The following DLGAP1 variants were observed in gnomAD, a reference collection of about 807,000 sequenced individuals.
The protein encoded by DLGAP1 is disks large-associated protein 1.
DLGAP1 carries 11 observed loss-of-function variants against 90.8 expected under a neutral mutation model. The ratio of observed to expected loss-of-function variants is 0.12; its 90% CI spans 0.08 to 0.20. The LOEUF is 0.20. DLGAP1 is among the 10% of genes least tolerant of loss of function. The pLI is 1.00. For synonymous variants in DLGAP1, 558 were observed against 540.7 expected (o/e 1.03, Z -0.44); for missense variants, 1,050 against 1,333.8 (o/e 0.79, Z 3.31).
At chr18:4,166,955 G>A (rs983130950) in intron 1 of DLGAP1, among the ~76,000 whole-genome samples, 1 of 152,138 alleles carries the variant, frequency 6.6e-6, no homozygotes, top group African/African-American at 2.4e-5. Context: ...GATAGATAAT[G>A]TTTGCATAAT....
chr18:4,231,504 G>A (rs1206674117), intron 1 of DLGAP1, among the ~76,000 whole-genome samples: 1 of 152,144 alleles, frequency 6.6e-6, no homozygotes, highest in Non-Finnish European at 1.5e-5. Flanking sequence ...CACTGCTTTG[G>A]CAAAATTACT....
chr18:3,954,296 C>T (rs1334062686), intron 3 of DLGAP1, among the ~76,000 whole-genome samples: 4 of 152,100 alleles, frequency 2.6e-5, no homozygotes, highest in Non-Finnish European at 4.4e-5. Context: ...TGGGATTCCA[C>T]TTGAGGGACA....
At position 4,137,015 on chromosome 18, in the gene DLGAP1, A is replaced by G. The variant is rs544444229; in HGVS notation, c.-159+14165T>C. ...GCTGCACCCATTAACTCGTCATTTA[A>G]CATTAGGTATATCTCCTAATGCTAT... On this transcript the variant is annotated intron_variant, in intron 2 of 12. Coordinates refer to ENST00000315677, the MANE Select transcript of DLGAP1 (RefSeq NM_004746.4). 5.3e-4 allele frequency among the ~76,000 whole-genome samples: 80 copies of G among 152,030 alleles called. 1 individual carries two copies. The Middle Eastern group carries it at 0.01, about 19-fold the overall frequency.
chr18:3,530,063 G>C (rs1250120030), intron 10 of DLGAP1, among the ~76,000 whole-genome samples: 1 of 152,046 alleles, frequency 6.6e-6, no homozygotes, highest in Non-Finnish European at 1.5e-5. Context: ...CAGACTGAAA[G>C]GCCCATTAAA....
intron 3 of DLGAP1, among the ~76,000 whole-genome samples, chr18:3,889,272 T>C (rs548088070): frequency 2.0e-4 from 31 of 152,216 alleles, no homozygotes; most frequent in Non-Finnish European, 4.1e-4. Context: ...ACAATACAAC[T>C]TGAAAAGGAG....
chr18:3,640,075 A>G (rs1295419894), intron 7 of DLGAP1, among the ~76,000 whole-genome samples: 3 of 152,066 alleles, frequency 2.0e-5, no homozygotes, highest in Admixed American at 1.3e-4. Flanking sequence ...TTTTAAATTA[A>G]TTAGCCTAGT....
chr18:3,772,392 CTTTCTTTCTTTCTTTCT>C (rs2064705735), intron 5 of DLGAP1, among the ~76,000 whole-genome samples: 1 of 42,806 alleles, frequency 2.3e-5, no homozygotes, highest in African/African-American at 7.4e-5. Flanking sequence ...TTCTTTCTTT[CTTTCTTTCTTTCTTTCT>C]CTTTCTTTCT....
chr18:4,338,394 T>C (rs1213764666), intron 1 of DLGAP1, among the ~76,000 whole-genome samples: 1 of 152,180 alleles, frequency 6.6e-6, no homozygotes, highest in African/African-American at 2.4e-5. Context: ...AGTAAATAAA[T>C]CAATCATACC....
intron 2 of DLGAP1, among the ~76,000 whole-genome samples, chr18:4,125,458 G>T (rs1314009699): frequency 6.6e-6 from 1 of 152,130 alleles, no homozygotes; most frequent in African/African-American, 2.4e-5. Flanking sequence ...GCCTCACATT[G>T]TGTTGCTGTG....
At chr18:4,284,703 G>C (rs547496469) in intron 1 of DLGAP1, among the ~76,000 whole-genome samples, 1 of 152,310 alleles carries the variant, frequency 6.6e-6, no homozygotes, top group South Asian at 2.1e-4. Context: ...CAGACCCATG[G>C]CCTTCTGGAG....
intron 1 of DLGAP1, among the ~76,000 whole-genome samples, chr18:4,360,777 G>A (rs1476309436): frequency 8.5e-5 from 13 of 152,170 alleles, no homozygotes; most frequent in African/African-American, 3.1e-4. Context: ...TCAGGAGTTC[G>A]AGACCAGCCT....
In DLGAP1 at chr18:4,306,426, AGTGTGTGT is replaced by A. The variant is rs60225266; in HGVS notation, c.-267+148572_-267+148579del. ...TGAGAATAAAAAAAGAGAAAGTAAGAGTGTGTGTGTGTGTGTGTGTGTGTGTGTGTGTG... is the reference window on the plus strand; with the variant it reads ...TGAGAATAAAAAAAGAGAAAGTAAGAGTGTGTGTGTGTGTGTGTGTGTGTG... On this transcript the variant is annotated intron_variant, in intron 1 of 12. Coordinates refer to ENST00000315677, the MANE Select transcript of DLGAP1 (RefSeq NM_004746.4). Among the ~76,000 whole-genome samples the A allele has an allele frequency of 1.5e-3, 200 of 130,418 alleles. 3 individuals are homozygous for A. Among genetic ancestry groups the A allele is most frequent in the South Asian group, 2.7e-3 (11 of 4,046 alleles). The allele number at this position is 130,418 out of a possible 152,430, so 85.6% of individuals were successfully genotyped here.
intron 3 of DLGAP1, among the ~76,000 whole-genome samples, chr18:3,980,408 A>C (rs2073701733): frequency 6.6e-6 from 1 of 152,178 alleles, no homozygotes; most frequent in Admixed American, 6.5e-5. Context: ...GCTGCACTTG[A>C]TGAGCAGGAG....
At chr18:4,349,552 G>T (rs1555604147) in intron 1 of DLGAP1, among the ~76,000 whole-genome samples, 1 of 151,298 alleles carries the variant, frequency 6.6e-6, no homozygotes, top group South Asian at 2.1e-4. Flanking sequence ...GAATAAAAGT[G>T]AAAAAAAACT....
intron 6 of DLGAP1, among the ~76,000 whole-genome samples, chr18:3,741,751 T>C (rs2063057083): frequency 6.6e-6 from 1 of 152,236 alleles, no homozygotes; most frequent in Non-Finnish European, 1.5e-5. Flanking sequence ...TTCTCTCCAA[T>C]CTTTCCTATG....
chr18:3,580,813 T>G (rs1442571077), intron 8 of DLGAP1: 1 of 1,539,884 alleles, frequency 6.5e-7, no homozygotes, highest in Non-Finnish European at 8.9e-7. Flanking sequence ...GTCTTCCACC[T>G]GCCGTGCGGA....
At chr18:4,258,195 C>A (rs1050459177) in intron 1 of DLGAP1, among the ~76,000 whole-genome samples, 1 of 152,094 alleles carries the variant, frequency 6.6e-6, no homozygotes. Context: ...CGCCACTACG[C>A]CTGGCTAATT....
At chr18:4,130,133 A>T (rs1378100954) in intron 2 of DLGAP1, among the ~76,000 whole-genome samples, 3 of 152,170 alleles carry the variant, frequency 2.0e-5, no homozygotes, top group Admixed American at 2.0e-4. Context: ...AAGAACATTA[A>T]ATATTTTCCT....
At chr18:4,239,956 T>C (rs2078496595) in intron 1 of DLGAP1, among the ~76,000 whole-genome samples, 1 of 152,182 alleles carries the variant, frequency 6.6e-6, no homozygotes, top group Non-Finnish European at 1.5e-5. Flanking sequence ...ATCCTCCTTT[T>C]CCATGCCCTG....
Sources: allele counts gnomAD v4.1 joint callset (sites outside exome capture counted in the v4.1 genomes callset), GRCh38; gene constraint gnomAD v4.1.1; transcripts MANE v1.5; gene names NCBI Gene and HGNC (gene_info 2026-07-23, HGNC 2026-07-21).